The following PRKCH variants were observed in gnomAD, a reference collection of about 807,000 sequenced individuals.
PRKCH encodes protein kinase C eta type.
A neutral mutation model predicts 82.5 loss-of-function variants in PRKCH; 28 were observed. The observed-to-expected ratio is 0.34, with a 90% CI of 0.25 to 0.47. The LOEUF is 0.47. Ranked by LOEUF, PRKCH falls within the 20% of genes least tolerant of loss-of-function variation. The pLI is 1.00. For missense variants in PRKCH, 705 were observed against 881.8 expected, an observed-to-expected ratio of 0.80 and a Z score of 2.54; for synonymous variants, 322 against 327.4, an observed-to-expected ratio of 0.98 and a Z score of 0.18.
At chr14:61,452,519 C>T (rs1884559906) in intron 6 of PRKCH, among the ~76,000 whole-genome samples, 1 of 152,226 alleles carries the variant, frequency 6.6e-6, no homozygotes, top group African/African-American at 2.4e-5. Context: ...TCATTGTCCC[C>T]AGGCAGCTTC....
At chr14:61,230,053 G>A (rs1038615681) in intron 1 of PRKCH, among the ~76,000 whole-genome samples, 10 of 151,852 alleles carry the variant, frequency 6.6e-5, no homozygotes, top group African/African-American at 2.4e-4. Context: ...ATTTTAATGG[G>A]CCCTTAAGTA....
In PRKCH at chr14:61,453,236, G is replaced by A; in HGVS notation, c.843G>A (p.Met281Ile). The A allele has an allele frequency of 6.2e-7, 1 of 1,614,188 alleles. No individual in the cohort carries two copies. Among genetic ancestry groups the A allele is most frequent in the Non-Finnish European group, 8.5e-7 (1 of 1,180,022 alleles). The change falls in exon 7 of 14, where the codon ATG (methionine) becomes ATA (isoleucine). Residue 281 changes from methionine to isoleucine, a missense_variant. This residue lies in a region of PRKCH where 238 missense variants were observed against 258.1 expected (regional missense o/e 0.92). Transcript: ENST00000332981. Reference sequence around the variant, plus strand: ...TCCTTTTCCCTCTAGTATGTAAAATGAATGTGCATATTCGATGTCAAGCGA... The same window carrying A: ...TCCTTTTCCCTCTAGTATGTAAAATAAATGTGCATATTCGATGTCAAGCGA... Reference protein sequence around the residue: ...RQGLQCKICKMNVHIRCQANV... With the variant: ...RQGLQCKICKINVHIRCQANV...
chr14:61,199,990 C>T (rs887323836), intron 1 of PRKCH, among the ~76,000 whole-genome samples: 1 of 152,138 alleles, frequency 6.6e-6, no homozygotes, highest in African/African-American at 2.4e-5. Flanking sequence ...TTCCTCTTAC[C>T]CTGTAATCAT....
intron 1 of PRKCH, among the ~76,000 whole-genome samples, chr14:61,339,377 G>T (rs752235045): frequency 6.7e-6 from 1 of 149,562 alleles, no homozygotes; most frequent in Non-Finnish European, 1.5e-5. Flanking sequence ...AGGCTGGAGC[G>T]CAGTGGCGCA....
intron 1 of PRKCH, among the ~76,000 whole-genome samples, chr14:61,200,904 T>A (rs1255458171): frequency 6.6e-6 from 1 of 152,184 alleles, no homozygotes; most frequent in Non-Finnish European, 1.5e-5. Flanking sequence ...CGGGCATCCA[T>A]TGAATGTCAT....
At chr14:61,488,601 T>A (rs1234969143) in intron 10 of PRKCH, among the ~76,000 whole-genome samples, 12 of 152,182 alleles carry the variant, frequency 7.9e-5, no homozygotes, top group African/African-American at 2.9e-4. Context: ...CTTAGTCCTT[T>A]TTGGTGATAG....
Position 61,281,258 on chromosome 14 carries a change from C to A in PRKCH, c.-19+93590C>A, listed in dbSNP as rs78588528. ...GGGACTGCTCGCGGGTCGGGTTTCCCGCCAGCTCAGGTGGGTTTTTGCCCG... is the reference window on the plus strand; with the variant it reads ...GGGACTGCTCGCGGGTCGGGTTTCCAGCCAGCTCAGGTGGGTTTTTGCCCG... On this transcript the variant is annotated intron_variant, in intron 1 of 3. Transcript: ENST00000555185. The A allele has an allele frequency of 5.9e-3, 3,591 of 605,882 alleles. 132 individuals carry two copies. The African/African-American group carries it at 0.064, about 11-fold the overall frequency. The allele number at this position is 605,882 out of a possible 1,614,324, so 37.5% of individuals were successfully genotyped here.
chr14:61,442,133 T>G (rs1361043632), intron 2 of PRKCH, among the ~76,000 whole-genome samples: 1 of 152,214 alleles, frequency 6.6e-6, no homozygotes, highest in African/African-American at 2.4e-5. Context: ...GTTTCAATGA[T>G]TAAAGCATTA....
chr14:61,322,357 G>T lies in PRKCH; in HGVS notation c.256G>T (p.Val86Phe). The T allele has an allele frequency of 6.2e-7, 1 of 1,613,340 alleles. No individual in the cohort carries two copies. Among genetic ancestry groups the T allele is most frequent in the Non-Finnish European group, 8.5e-7 (1 of 1,179,922 alleles). The change falls in exon 1 of 14, where the codon GTC (valine) becomes TTC (phenylalanine). Residue 86 changes from valine (V) to phenylalanine (F), a missense_variant. Coordinates refer to ENST00000332981, the MANE Select transcript of PRKCH (RefSeq NM_006255.5). ...CGACGGCGGCCACCTCGAGTTGGCC[G>T]TCTTCCACGAGACGCCCCTGGGCTA... is the stretch of plus-strand genomic sequence containing the variant. ...VTDGGHLELA[V>F]FHETPLGYDH...
chr14:61,194,471 G>C (rs1419688781), intron 1 of PRKCH, among the ~76,000 whole-genome samples: 1 of 152,142 alleles, frequency 6.6e-6, no homozygotes, highest in East Asian at 1.9e-4. Context: ...ACCATGTGAA[G>C]ACACAGCAAG....
chr14:61,501,516 G>C (rs961798285), intron 10 of PRKCH, among the ~76,000 whole-genome samples: 2 of 151,566 alleles, frequency 1.3e-5, no homozygotes, highest in African/African-American at 2.4e-5. Context: ...GGCTACATAA[G>C]GGCTTGCATC....
chr14:61,524,434 C>CG (rs1197872114), intron 10 of PRKCH, among the ~76,000 whole-genome samples: 2 of 152,182 alleles, frequency 1.3e-5, no homozygotes, highest in Non-Finnish European at 2.9e-5. Flanking sequence ...AATGGCAAGC[C>CG]GGTAACTGTG....
At chr14:61,438,181 C>T (rs962732052) in intron 2 of PRKCH, among the ~76,000 whole-genome samples, 5 of 152,138 alleles carry the variant, frequency 3.3e-5, no homozygotes, top group Non-Finnish European at 5.9e-5. Flanking sequence ...GCCGTCTGCA[C>T]ACCCCAGGCT....
intron 12 of PRKCH, 102 bp from the exon 13 acceptor site, chr14:61,547,641 A>G (rs1423586660): frequency 7.0e-7 from 1 of 1,428,136 alleles, no homozygotes; most frequent in Non-Finnish European, 9.4e-7. Flanking sequence ...GACCTGCCAG[A>G]AAGTCTCGCA....
chr14:61,482,192 TCAC>T (rs1886008433), intron 9 of PRKCH, among the ~76,000 whole-genome samples: 1 of 152,066 alleles, frequency 6.6e-6, no homozygotes, highest in African/African-American at 2.4e-5. Flanking sequence ...AGACGGGGTT[TCAC>T]CACGTTGCCC....
chr14:61,441,543 G>C (rs1483704216), intron 2 of PRKCH, among the ~76,000 whole-genome samples: 2 of 152,108 alleles, frequency 1.3e-5, no homozygotes, highest in African/African-American at 2.4e-5. Flanking sequence ...GGACATCTTG[G>C]CATGGTTATT....
chr14:61,195,052 A>G (rs550925026), intron 1 of PRKCH, among the ~76,000 whole-genome samples: 2 of 152,368 alleles, frequency 1.3e-5, no homozygotes, highest in South Asian at 4.1e-4. Flanking sequence ...CATTTTAAAC[A>G]GTCAATATTC....
intron 1 of PRKCH, chr14:61,303,117 A>C (rs1367346821): frequency 6.6e-6 from 1 of 150,850 alleles, no homozygotes; most frequent in Non-Finnish European, 1.5e-5. Context: ...TCCTGAGTTC[A>C]AACAATCCTC....
At chr14:61,417,973 G>A (rs988902397) in intron 2 of PRKCH, among the ~76,000 whole-genome samples, 9 of 152,174 alleles carry the variant, frequency 5.9e-5, no homozygotes, top group African/African-American at 2.2e-4. Flanking sequence ...GATTAAACTT[G>A]AAAAGGGAGA....
Sources: gnomAD v4.1 joint callset for allele counts (sites outside exome capture counted in the v4.1 genomes callset) on GRCh38, gnomAD v4.1.1 for gene constraint, gnomAD v4.1.1 regional missense constraint, MANE v1.5 for transcripts, NCBI Gene and HGNC (gene_info 2026-07-23, HGNC 2026-07-21) for gene names.